Variants in GNAL observed in about 807,000 individuals in gnomAD.
The protein encoded by GNAL is G protein subunit alpha L.
A neutral mutation model predicts 55.1 loss-of-function variants in GNAL; 18 were observed. That is an observed-to-expected ratio of 0.33 (90% confidence interval 0.23 to 0.48). The LOEUF is 0.48. Ranked by LOEUF, GNAL falls within the 20% of genes least tolerant of loss-of-function variation. GNAL has a pLI of 0.99. For synonymous variants in GNAL, 253 were observed against 237.0 expected, an observed-to-expected ratio of 1.07 and a Z score of -0.62; for missense variants, 412 against 614.1, an observed-to-expected ratio of 0.67 and a Z score of 3.48.
intron 4 of GNAL, among the ~76,000 whole-genome samples, chr18:11,809,549 A>G (rs534909072): frequency 3.9e-5 from 6 of 152,314 alleles, no homozygotes; most frequent in Non-Finnish European, 8.8e-5. Context: ...CCTGGCCAAC[A>G]TGGCAAAACC....
intron 5 of GNAL, among the ~76,000 whole-genome samples, chr18:11,825,318 A>G (rs1647558): frequency 0.7 from 105,882 of 152,016 alleles, 38,481 homozygotes; most frequent in Admixed American, 0.82. Context: ...GTGAACTTCC[A>G]TGGTTATTGT....
chr18:11,826,259 G>C (rs145385176), intron 5 of GNAL, among the ~76,000 whole-genome samples: 1,688 of 139,126 alleles, frequency 0.012, 36 homozygotes, highest in African/African-American at 0.029. Flanking sequence ...GGAGCGGGGA[G>C]GGGGAAGGAA....
intron 1 of GNAL, among the ~76,000 whole-genome samples, chr18:11,692,764 GA>G (rs1228624062): frequency 6.6e-6 from 1 of 151,450 alleles, no homozygotes; most frequent in East Asian, 2.0e-4. Flanking sequence ...AAAAAAATAC[GA>G]AAATTAGCTG....
chr18:11,753,852 A>C lies in GNAL; in HGVS notation c.531A>C (p.Ile177=). 6.2e-7 allele frequency: 1 copy of C among 1,609,032 alleles called. No individual in the cohort carries two copies. The highest frequency in any genetic ancestry group is 8.5e-7 in the Non-Finnish European group (1 of 1,175,416). The change falls in exon 4 of 12, where the codon ATA becomes ATC. Residue 177 remains isoleucine, a synonymous_variant. Transcript: ENST00000334049. The part of the protein sequence containing the change: ...IVTIVSAMST[I]IPPVPLANPE... ...CAATTGTTTCAGCAATGAGTACTAT[A>C]ATACCTCCAGTTCCGCTGGCCAACC...
intron 4 of GNAL, among the ~76,000 whole-genome samples, chr18:11,786,082 G>C (rs1288660137): frequency 6.6e-6 from 1 of 152,098 alleles, no homozygotes; most frequent in Non-Finnish European, 1.5e-5. Flanking sequence ...TCAGGAGAAG[G>C]GGAAGTTTAT....
Position 11,752,487 on chromosome 18 carries a change from A to G in GNAL, c.377-366A>G, listed in dbSNP as rs202174313. The stretch of plus-strand genomic sequence containing the variant: ...CGACGGAAGACCAGGGCGTCGATGA[A>G]AAAGAACGACGCGAGGCCAACAAAA... On this transcript the variant is annotated intron_variant, in intron 1 of 11. Coordinates refer to ENST00000334049, the MANE Select transcript of GNAL (RefSeq NM_182978.4). The surrounding 1 kb of genome is among the most constrained non-coding windows in gnomAD (Gnocchi z 4.5). 227 of 1,612,996 alleles carry G rather than the reference A, an allele frequency of 1.4e-4. No individual in the cohort carries two copies. The highest frequency in any genetic ancestry group is 1.9e-4 in the Non-Finnish European group (220 of 1,179,590).
chr18:11,729,311 T>C (rs1227077401), intron 1 of GNAL, among the ~76,000 whole-genome samples: 1 of 152,050 alleles, frequency 6.6e-6, no homozygotes, highest in African/African-American at 2.4e-5. Flanking sequence ...CTGTGTGGGT[T>C]TTCACTCTTT....
At chr18:11,829,684 C>T (rs1423650520) in intron 5 of GNAL, among the ~76,000 whole-genome samples, 2 of 152,164 alleles carry the variant, frequency 1.3e-5, no homozygotes, top group Non-Finnish European at 2.9e-5. Flanking sequence ...TATTTAAATG[C>T]CCAGCTCCTA....
At chr18:11,853,635 G>GT (rs1289994065) in intron 5 of GNAL, 3 of 167,022 alleles carry the variant, frequency 1.8e-5, no homozygotes, top group African/African-American at 4.8e-5. Context: ...AAAAAAAAGT[G>GT]TAACAGGTGC....
In GNAL at chr18:11,884,531, CA is replaced by C; in HGVS notation, c.*3398del. 1 of 1,614,102 alleles carries C rather than the reference CA, an allele frequency of 6.2e-7. No individual in the cohort carries two copies. Among genetic ancestry groups the C allele is most frequent in the Middle Eastern group, 1.6e-4 (1 of 6,062 alleles). ...CCAAAGTGAGTGAGTGTGAGGACCA[CA>C]AGGAAGCCCACCACTCCACAGTAGA... is the stretch of plus-strand genomic sequence containing the variant. On this transcript the variant is annotated 3_prime_UTR_variant, in exon 12 of 12. Transcript: ENST00000334049.
intron 4 of GNAL, among the ~76,000 whole-genome samples, chr18:11,788,907 A>AT (rs200812437): frequency 0.16 from 13,275 of 83,182 alleles, 1,032 homozygotes; most frequent in Non-Finnish European, 0.19. Flanking sequence ...GAAAAAAAAA[A>AT]AAAAAAAATA....
At chr18:11,699,096 A>G (rs561616528) in intron 1 of GNAL, among the ~76,000 whole-genome samples, 28 of 152,240 alleles carry the variant, frequency 1.8e-4, no homozygotes, top group Admixed American at 3.9e-4. Flanking sequence ...ACCTCACTGC[A>G]TAAATCCGAA....
intron 4 of GNAL, among the ~76,000 whole-genome samples, chr18:11,773,713 A>G (rs1260408742): frequency 6.6e-6 from 1 of 152,208 alleles, no homozygotes; most frequent in Non-Finnish European, 1.5e-5. Flanking sequence ...GAGCCCAGGC[A>G]GTCAAGACTG....
chr18:11,821,850 G>A (rs1035803876), intron 4 of GNAL, among the ~76,000 whole-genome samples: 11 of 152,242 alleles, frequency 7.2e-5, no homozygotes, highest in African/African-American at 1.7e-4. Context: ...CTCACCAAGG[G>A]CTGAAGCACA....
chr18:11,818,634 A>T (rs575047847), intron 4 of GNAL, among the ~76,000 whole-genome samples: 39 of 152,286 alleles, frequency 2.6e-4, no homozygotes, highest in Admixed American at 1.1e-3. Context: ...AGGAACGGGG[A>T]GAGTGAGTTT....
chr18:11,740,858 A>G (rs1051125457), intron 1 of GNAL, among the ~76,000 whole-genome samples: 1 of 152,232 alleles, frequency 6.6e-6, no homozygotes, highest in African/African-American at 2.4e-5. Flanking sequence ...ACATAGACAA[A>G]TATGAAGCTC....
At chr18:11,716,298 G>A (rs1029250281) in intron 1 of GNAL, among the ~76,000 whole-genome samples, 23 of 152,054 alleles carry the variant, frequency 1.5e-4, no homozygotes, top group African/African-American at 5.1e-4. Flanking sequence ...TCCTTCTGAC[G>A]TTCGGATGTG....
At chr18:11,839,790 A>T (rs1325811927) in intron 5 of GNAL, among the ~76,000 whole-genome samples, 1 of 152,210 alleles carries the variant, frequency 6.6e-6, no homozygotes, top group Admixed American at 6.5e-5. Flanking sequence ...CAAGCGTTCT[A>T]GCTCAGAGAA....
chr18:11,747,226 G>C (rs182425729), intron 1 of GNAL: 1 of 362,624 alleles, frequency 2.8e-6, no homozygotes, highest in African/African-American at 2.1e-5. Context: ...CCAAAGATGA[G>C]GTGGAGAAAC....
Sources: gnomAD v4.1 joint callset for allele counts (sites outside exome capture counted in the v4.1 genomes callset) on GRCh38, gnomAD v4.1.1 for gene constraint, Gnocchi (gnomAD v3.1) non-coding constraint, MANE v1.5 for transcripts, NCBI Gene and HGNC (gene_info 2026-07-23, HGNC 2026-07-21) for gene names.